The following GATA4 variants were observed in gnomAD, a reference collection of about 807,000 sequenced individuals.
GATA4 encodes the protein GATA binding protein 4.
A neutral mutation model predicts 37.9 loss-of-function variants in GATA4; 7 were observed. The ratio of observed to expected loss-of-function variants is 0.18; its 90% CI spans 0.11 to 0.35. GATA4 has a LOEUF of 0.35. Among genes scored for constraint, GATA4 ranks in the 10% least tolerant of loss-of-function variants. The pLI is 1.00. For synonymous variants in GATA4, 372 were observed against 292.6 expected (o/e 1.27, Z -2.77); for missense variants, 647 against 653.0 (o/e 0.99, Z 0.10).
chr8:11,729,428 G>T (rs530405382), intron 2 of GATA4, among the ~76,000 whole-genome samples: 1 of 151,964 alleles, frequency 6.6e-6, no homozygotes, highest in African/African-American at 2.4e-5. Flanking sequence ...AATTAGCCAG[G>T]CGTGGTGGCA....
chr8:11,680,265 C>T (rs1798914011), intron 1 of GATA4, among the ~76,000 whole-genome samples: 1 of 152,236 alleles, frequency 6.6e-6, no homozygotes. Flanking sequence ...GGAGACCAGG[C>T]GGTGCCGGTG....
chr8:11,754,183 C>T (rs1039045727), intron 4 of GATA4, among the ~76,000 whole-genome samples: 3 of 152,214 alleles, frequency 2.0e-5, no homozygotes, highest in Non-Finnish European at 4.4e-5. Flanking sequence ...CTGTTGAGGC[C>T]AATTTTCCCA....
At chr8:11,692,762 G>A in intron 1 of GATA4, 1 of 983,336 alleles carries the variant, frequency 1.0e-6, no homozygotes, top group Non-Finnish European at 1.2e-6. Flanking sequence ...GGACGGACGG[G>A]GGGCGGGAAG....
At chr8:11,727,339 C>T (rs1316607808) in intron 2 of GATA4, among the ~76,000 whole-genome samples, 2 of 152,132 alleles carry the variant, frequency 1.3e-5, no homozygotes, top group African/African-American at 4.8e-5. Context: ...GAGAATGGAC[C>T]CGCCTGCTGG....
upstream of GATA4, chr8:11,692,034 C>T: frequency 1.0e-6 from 1 of 985,388 alleles, no homozygotes; most frequent in Non-Finnish European, 1.2e-6. Context: ...GTTCATGATC[C>T]TCACCTTAGT....
intron 1 of GATA4, among the ~76,000 whole-genome samples, chr8:11,684,500 C>T (rs1799078055): frequency 6.6e-6 from 1 of 152,120 alleles, no homozygotes; most frequent in Non-Finnish European, 1.5e-5. Context: ...TTCTGGAAAC[C>T]TTTTAGATTT....
At chr8:11,693,339 C>T (rs1343356066) in intron 1 of GATA4, among the ~76,000 whole-genome samples, 1 of 152,006 alleles carries the variant, frequency 6.6e-6, no homozygotes, top group African/African-American at 2.4e-5. Flanking sequence ...TGGCGCGCGC[C>T]TGTGGTCCTG....
intron 2 of GATA4, 122 bp from the exon 3 acceptor site, chr8:11,748,793 TG>T: frequency 9.2e-7 from 1 of 1,085,482 alleles, no homozygotes; most frequent in Non-Finnish European, 1.4e-6. Context: ...CAGCCCGAGG[TG>T]GTCTTCTCTT....
chr8:11,681,173 G>C, intron 1 of GATA4: 1 of 985,380 alleles, frequency 1.0e-6, no homozygotes, highest in Non-Finnish European at 1.2e-6. Context: ...CAGAACCTTC[G>C]GGGGTTAGTC....
chr8:11,737,441 C>T (rs768666870), intron 2 of GATA4, among the ~76,000 whole-genome samples: 1 of 152,246 alleles, frequency 6.6e-6, no homozygotes, highest in African/African-American at 2.4e-5. Context: ...ATTCAATATT[C>T]CCTTTCCGTC....
rs1799967654 is a variant in GATA4, at chr8:11,707,931, T to A, written c.-382T>A. On this transcript the variant is annotated 5_prime_UTR_variant, in exon 2 of 7. Coordinates refer to ENST00000532059, the MANE Select transcript of GATA4 (RefSeq NM_001308093.3). The surrounding 1 kb of genome is among the most constrained non-coding windows in gnomAD (Gnocchi z 4.7). ...TGTGGCCGCGGGTGTCCTGGAGGCC[T>A]CTCGGTGTGACGAGTGGGGGACCCG... 3.1e-5 allele frequency: 10 copies of A among 319,226 alleles called. No homozygotes were observed. The highest frequency in any genetic ancestry group is 2.3e-4 in the South Asian group (9 of 39,862). The allele number at this position is 319,226 out of a possible 1,614,324, so 19.8% of individuals were successfully genotyped here. A position where few individuals can be genotyped will look rare whatever the true frequency, so the allele number is the denominator to read the frequency against.
intron 2 of GATA4, among the ~76,000 whole-genome samples, chr8:11,711,116 A>C (rs930251739): frequency 6.6e-6 from 1 of 152,238 alleles, no homozygotes; most frequent in Non-Finnish European, 1.5e-5. Flanking sequence ...ACAAACAAAC[A>C]AAAAACCGAA....
At chr8:11,726,459 G>T (rs973835883) in intron 2 of GATA4, among the ~76,000 whole-genome samples, 72 of 152,350 alleles carry the variant, frequency 4.7e-4, no homozygotes, top group Non-Finnish European at 3.7e-4. Flanking sequence ...CAACACCGGG[G>T]ACCTCTTGGG....
intron 2 of GATA4, among the ~76,000 whole-genome samples, chr8:11,725,163 G>A (rs997445006): frequency 7.2e-5 from 11 of 152,370 alleles, no homozygotes; most frequent in Non-Finnish European, 1.6e-4. Flanking sequence ...GGGTAGAGAT[G>A]AGGGAGGAGG....
chr8:11,718,084 AAAG>A (rs1270841835), intron 2 of GATA4, among the ~76,000 whole-genome samples: 2 of 152,228 alleles, frequency 1.3e-5, no homozygotes, highest in African/African-American at 4.8e-5. Flanking sequence ...AAAAGCAGAG[AAAG>A]AAGAGGAGAA....
Position 11,707,322 on chromosome 8 carries a change from T to G in GATA4, c.-457-534T>G, listed in dbSNP as rs1017888490. Among the ~76,000 whole-genome samples the G allele has an allele frequency of 6.6e-6, 1 of 152,040 alleles. No homozygotes were observed. The highest frequency in any genetic ancestry group is 1.5e-5 in the Non-Finnish European group (1 of 67,992). On this transcript the variant is annotated intron_variant, in intron 1 of 6. Transcript: ENST00000532059. The surrounding 1 kb of genome is among the most constrained non-coding windows in gnomAD (Gnocchi z 4.7). ...ACATTTGGACTCTACTTCTGGTTTT[T>G]TTTTTTTTTAATTACAAACAAAACT...
intron 2 of GATA4, among the ~76,000 whole-genome samples, chr8:11,740,218 G>T (rs1801660874): frequency 6.6e-6 from 1 of 152,178 alleles, no homozygotes; most frequent in Admixed American, 6.5e-5. Context: ...GGGCAAGTCA[G>T]CCGTACTACC....
In GATA4 at chr8:11,758,620, A is replaced by C; in HGVS notation, c.*145A>C. 1.0e-5 allele frequency: 8 copies of C among 796,276 alleles called. No homozygotes were observed. The highest frequency in any genetic ancestry group is 1.5e-5 in the Non-Finnish European group (7 of 469,018). 49.3% of individuals were successfully genotyped at this position (796,276 alleles called of 1,614,324 possible). On this transcript the variant is annotated 3_prime_UTR_variant, in exon 7 of 7. Coordinates refer to ENST00000532059, the MANE Select transcript of GATA4 (RefSeq NM_001308093.3). ...ACTGGGAAGAAACTTGAAGTCGACA[A>C]TCTGGTTAGGGGAAGCGGGTGTTGG...
intron 2 of GATA4, among the ~76,000 whole-genome samples, chr8:11,717,545 C>T (rs548282921): frequency 4.8e-4 from 73 of 152,268 alleles, no homozygotes; most frequent in African/African-American, 1.7e-3. Context: ...GTAAGTCCAA[C>T]CTGCAGGATT....
Sources: gnomAD v4.1 joint callset for allele counts (sites outside exome capture counted in the v4.1 genomes callset) on GRCh38, gnomAD v4.1.1 for gene constraint, Gnocchi (gnomAD v3.1) non-coding constraint, MANE v1.5 for transcripts, NCBI Gene and HGNC (gene_info 2026-07-23, HGNC 2026-07-21) for gene names.